Variants in CAMK1D observed in about 807,000 individuals in gnomAD.
The protein encoded by CAMK1D is calcium/calmodulin dependent protein kinase ID.
A neutral mutation model predicts 47.7 loss-of-function variants in CAMK1D; 9 were observed. The observed-to-expected ratio is 0.19, with a 90% CI of 0.11 to 0.33. The LOEUF (loss-of-function observed/expected upper bound fraction) is 0.33, where lower values mean the gene tolerates loss of function less well. Ranked by LOEUF, CAMK1D falls within the 10% of genes least tolerant of loss-of-function variation. The pLI, the probability that CAMK1D is intolerant of heterozygous loss-of-function variation, is 1.00. For missense variants in CAMK1D, 291 were observed against 488.7 expected (o/e 0.60, Z 3.81); for synonymous variants, 184 against 184.9 (o/e 0.99, Z 0.04).
chr10:12,741,369 G>A (rs964547211), intron 3 of CAMK1D, among the ~76,000 whole-genome samples: 2 of 152,112 alleles, frequency 1.3e-5, no homozygotes, highest in Middle Eastern at 3.2e-3. Flanking sequence ...AATGCATCTC[G>A]CAGTCCTTAC....
chr10:12,548,052 A>G (rs1836454505), intron 1 of CAMK1D, among the ~76,000 whole-genome samples: 1 of 152,204 alleles, frequency 6.6e-6, no homozygotes, highest in African/African-American at 2.4e-5. Context: ...CACCTGTATC[A>G]GCCCAGCGTG....
rs549703147 is a variant in CAMK1D at position 12,606,728 on chromosome 10, C to T, written c.224+53372C>T. On this transcript the variant is annotated intron_variant, in intron 2 of 10. Coordinates refer to ENST00000619168, the MANE Select transcript of CAMK1D (RefSeq NM_153498.4). ...AGTCTGTATGTGCCCTTTAATCACT[C>T]GGAGATTGCTGGGGATTGGATATTA... 1.3e-4 allele frequency among the ~76,000 whole-genome samples: 20 copies of T among 152,306 alleles called. No homozygotes were observed. The South Asian group carries it at 3.3e-3, about 25-fold the overall frequency.
intron 1 of CAMK1D, among the ~76,000 whole-genome samples, chr10:12,388,007 C>A (rs1318644539): frequency 6.6e-6 from 1 of 152,104 alleles, no homozygotes; most frequent in Non-Finnish European, 1.5e-5. Context: ...CTTTTCTCCC[C>A]TGGGAACCTC....
At chr10:12,443,299 CAG>C (rs1012887159) in intron 1 of CAMK1D, among the ~76,000 whole-genome samples, 32 of 152,170 alleles carry the variant, frequency 2.1e-4, no homozygotes, top group African/African-American at 7.5e-4. Context: ...CATGGTCAAA[CAG>C]AGAGGGCTAA....
At chr10:12,467,444 C>T (rs780843147) in intron 1 of CAMK1D, among the ~76,000 whole-genome samples, 12 of 152,120 alleles carry the variant, frequency 7.9e-5, no homozygotes, top group East Asian at 5.8e-4. Context: ...TGAGCCACTG[C>T]GCCCAGTCAC....
chr10:12,766,286 T>TG (rs1410886296), intron 4 of CAMK1D, among the ~76,000 whole-genome samples: 2 of 127,758 alleles, frequency 1.6e-5, no homozygotes, highest in African/African-American at 5.8e-5. Flanking sequence ...CCTGGCCCCG[T>TG]GCCCTGCCAT....
At chr10:12,584,617 T>G (rs554936659) in intron 2 of CAMK1D, among the ~76,000 whole-genome samples, 14 of 151,948 alleles carry the variant, frequency 9.2e-5, no homozygotes, top group Non-Finnish European at 1.9e-4. Flanking sequence ...TCCTGGAGTT[T>G]GAGACCAGCC....
chr10:12,626,932 A>G (rs1443806989), intron 2 of CAMK1D, among the ~76,000 whole-genome samples: 1 of 152,226 alleles, frequency 6.6e-6, no homozygotes, highest in Non-Finnish European at 1.5e-5. Context: ...AAAGATCAGC[A>G]TGTGTATTAT....
At chr10:12,782,597 TAC>T (rs371086867) in intron 5 of CAMK1D, among the ~76,000 whole-genome samples, 62 of 152,296 alleles carry the variant, frequency 4.1e-4, no homozygotes, top group East Asian at 2.3e-3. Flanking sequence ...GAAACTTGAT[TAC>T]AGTTTGATTT....
chr10:12,372,957 A>G (rs1224317870), intron 1 of CAMK1D, among the ~76,000 whole-genome samples: 1 of 152,184 alleles, frequency 6.6e-6, no homozygotes, highest in Non-Finnish European at 1.5e-5. Flanking sequence ...GAAGTGATAG[A>G]TGGAGATGAA....
chr10:12,472,493 A>G (rs779858083), intron 1 of CAMK1D, among the ~76,000 whole-genome samples: 3 of 95,316 alleles, frequency 3.1e-5, no homozygotes, highest in Non-Finnish European at 6.8e-5. Flanking sequence ...TCACTGTCTC[A>G]CTCTTCAGTT....
At chr10:12,812,480 C>T (rs572470406) in intron 6 of CAMK1D, among the ~76,000 whole-genome samples, 10 of 152,220 alleles carry the variant, frequency 6.6e-5, no homozygotes, top group African/African-American at 2.4e-4. Flanking sequence ...GCCCAGCATG[C>T]TGGCAGGCAC....
intron 1 of CAMK1D, among the ~76,000 whole-genome samples, chr10:12,392,115 C>T (rs1470105691): frequency 1.3e-5 from 2 of 151,818 alleles, no homozygotes; most frequent in Admixed American, 1.3e-4. Flanking sequence ...CCAGCCTGAC[C>T]AACATGGTGA....
At chr10:12,650,888 CA>C (rs1839941470) in intron 2 of CAMK1D, among the ~76,000 whole-genome samples, 4 of 152,302 alleles carry the variant, frequency 2.6e-5, no homozygotes, top group Admixed American at 6.5e-5. Context: ...AAAAACCCAT[CA>C]GGGGGTTCAT....
intron 2 of CAMK1D, among the ~76,000 whole-genome samples, chr10:12,568,061 C>G (rs1837178569): frequency 1.1e-5 from 1 of 94,834 alleles, no homozygotes; most frequent in South Asian, 3.8e-4. Context: ...GGGACCCACT[C>G]TCAGTTAGGC....
In CAMK1D at chr10:12,541,764, T is replaced by C. The variant is rs548351920; in HGVS notation, c.93-11461T>C. Among the ~76,000 whole-genome samples, 5 of 152,280 alleles carry C rather than the reference T, an allele frequency of 3.3e-5. No individual in the cohort carries two copies. The South Asian group carries it at 1.0e-3, about 32-fold the overall frequency. ...AAGAATTGATTCTGATCTGGAACAA[T>C]AGGTCTAAAAGGCACCTGTCTGTTT... On this transcript the variant is annotated intron_variant, in intron 1 of 10. Coordinates refer to ENST00000619168, the MANE Select transcript of CAMK1D (RefSeq NM_153498.4).
intron 3 of CAMK1D, among the ~76,000 whole-genome samples, chr10:12,707,584 G>C (rs1033002205): frequency 2.6e-5 from 4 of 152,224 alleles, no homozygotes; most frequent in Non-Finnish European, 5.9e-5. Context: ...CGCAGAATGA[G>C]CACAGTCAGA....
intron 1 of CAMK1D, among the ~76,000 whole-genome samples, chr10:12,496,483 AC>A (rs1340909166): frequency 2.6e-5 from 4 of 152,212 alleles, no homozygotes; most frequent in Middle Eastern, 3.4e-3. Context: ...AGGAGAGGGC[AC>A]AGAAGAAGGG....
chr10:12,707,529 G>A (rs1007412915), intron 3 of CAMK1D, among the ~76,000 whole-genome samples: 4 of 152,170 alleles, frequency 2.6e-5, no homozygotes, highest in Admixed American at 1.3e-4. Flanking sequence ...CAAAGCCTGC[G>A]GAGGAAGGAC....
Sources: allele counts gnomAD v4.1 joint callset (sites outside exome capture counted in the v4.1 genomes callset), GRCh38; gene constraint gnomAD v4.1.1; transcripts MANE v1.5; gene names NCBI Gene and HGNC (gene_info 2026-07-23, HGNC 2026-07-21).